RBPJ: variants seen among roughly 807,000 people sequenced by gnomAD.
RBPJ encodes the protein recombination signal binding protein for immunoglobulin kappa J region.
In RBPJ, 9 loss-of-function variants were observed where a neutral mutation model predicts 67.8. The observed-to-expected ratio is 0.13, with a 90% CI of 0.08 to 0.23. The LOEUF is 0.23. RBPJ is among the 10% of genes least tolerant of loss of function. RBPJ has a pLI of 1.00. For missense variants in RBPJ, 305 were observed against 595.6 expected (o/e 0.51, Z 5.08); for synonymous variants, 198 against 203.3 (o/e 0.97, Z 0.22).
chr4:26,350,527 C>A lies in RBPJ; in HGVS notation c.20+29479C>A, dbSNP rs532355181. The stretch of plus-strand genomic sequence containing the variant: ...CGTAGTTAAATTTAGTGAAGTTTTC[C>A]AAAGTACTGAATTGAAAATTATGAC... On this transcript the variant is annotated intron_variant, in intron 1 of 10. Transcript: ENST00000355476. 2.6e-5 allele frequency among the ~76,000 whole-genome samples: 4 copies of A among 152,198 alleles called. No individual in the cohort carries two copies. In the South Asian group the frequency reaches 8.3e-4, roughly 32 times the overall value.
chr4:26,134,974 G>A, the RBPJ span, among the ~76,000 whole-genome samples: 1 of 152,158 alleles, frequency 6.6e-6, no homozygotes, highest in Admixed American at 6.5e-5. Context: ...CAGGTCTTCG[G>A]TACCACAGTT....
At chr4:26,160,198 G>C (rs764744613), upstream of RBPJ, among the ~76,000 whole-genome samples, 1 of 152,242 alleles carries the variant, frequency 6.6e-6, no homozygotes, top group East Asian at 1.9e-4. Flanking sequence ...GATTACAGGC[G>C]TGAGCCACCG....
chr4:26,241,737 C>A (rs139359625), intron 1 of RBPJ, among the ~76,000 whole-genome samples: 182 of 152,152 alleles, frequency 1.2e-3, no homozygotes, highest in Non-Finnish European at 2.2e-3. Context: ...GTCTCAAACT[C>A]CTGGCCTGAA....
intron 8 of RBPJ, among the ~76,000 whole-genome samples, chr4:26,429,435 G>A (rs556010660): frequency 2.0e-5 from 3 of 152,300 alleles, no homozygotes; most frequent in African/African-American, 7.2e-5. Context: ...TGGTCTAGGT[G>A]TGTTAAGGTA....
At chr4:26,400,676 G>A (rs562655580) in intron 2 of RBPJ, among the ~76,000 whole-genome samples, 37 of 152,258 alleles carry the variant, frequency 2.4e-4, no homozygotes, top group African/African-American at 8.4e-4. Flanking sequence ...AAGCTATTTG[G>A]CAAATTACTT....
In RBPJ at chr4:26,210,018, A is replaced by G. The variant is rs114181488; in HGVS notation, c.-167+46404A>G. Among the ~76,000 whole-genome samples, 1,225 of 152,204 alleles carry G rather than the reference A, an allele frequency of 8.0e-3. 12 individuals are homozygous for G. Among genetic ancestry groups the G allele is most frequent in the African/African-American group, 0.028 (1,161 of 41,530 alleles). On this transcript the variant is annotated intron_variant, in intron 1 of 4. Transcript: ENST00000512351. Reference sequence around the variant, plus strand: ...AGACCAACAATCTTGCCACCCTAAAACCATATGAGGACCCACTGTAGAGTT... The same window carrying G: ...AGACCAACAATCTTGCCACCCTAAAGCCATATGAGGACCCACTGTAGAGTT...
chr4:26,391,360 A>G (rs1437546181), intron 2 of RBPJ, among the ~76,000 whole-genome samples: 2 of 152,228 alleles, frequency 1.3e-5, no homozygotes, highest in African/African-American at 4.8e-5. Context: ...GTTACTTTCC[A>G]GTCAAGGTGC....
intron 1 of RBPJ, among the ~76,000 whole-genome samples, chr4:26,252,613 A>G (rs760980987): frequency 2.0e-5 from 3 of 152,198 alleles, no homozygotes; most frequent in African/African-American, 7.2e-5. Context: ...GAAAAGCCAC[A>G]TTCTTTGAAA....
At chr4:26,253,350 C>G (rs1292665871) in intron 1 of RBPJ, among the ~76,000 whole-genome samples, 2 of 121,036 alleles carry the variant, frequency 1.7e-5, no homozygotes, top group Non-Finnish European at 3.1e-5. Flanking sequence ...CTCGCTCTGT[C>G]GCCCAGGCTG....
At chr4:26,193,610 T>A (rs903758472) in intron 1 of RBPJ, among the ~76,000 whole-genome samples, 1 of 152,316 alleles carries the variant, frequency 6.6e-6, no homozygotes, top group Non-Finnish European at 1.5e-5. Flanking sequence ...ATCGCTAGTA[T>A]AATAAATCAT....
chr4:26,391,144 T>C (rs1247687771), intron 2 of RBPJ, among the ~76,000 whole-genome samples: 2 of 152,112 alleles, frequency 1.3e-5, no homozygotes, highest in Non-Finnish European at 2.9e-5. Context: ...CTCAGCAGGC[T>C]TTTTTGTAAC....
At chr4:26,233,416 T>C (rs1050818074) in intron 1 of RBPJ, among the ~76,000 whole-genome samples, 6 of 152,252 alleles carry the variant, frequency 3.9e-5, no homozygotes, top group Non-Finnish European at 5.9e-5. Context: ...CCTTCTTCAC[T>C]TAGGGCTGAA....
chr4:26,391,067 A>G lies in RBPJ; in HGVS notation c.59+4676A>G, dbSNP rs960358186. Among the ~76,000 whole-genome samples the G allele has an allele frequency of 1.4e-4, 21 of 152,270 alleles. No homozygotes were observed. The Middle Eastern group carries it at 0.01, about 74-fold the overall frequency. ...GCGAGACCCTGTCTCAAATAAATAT[A>G]TATATGGTTAAAATGTCAGTTCTTC... On this transcript the variant is annotated intron_variant, in intron 2 of 10. Transcript: ENST00000355476.
chr4:26,243,487 T>C (rs574862938), intron 1 of RBPJ, among the ~76,000 whole-genome samples: 2 of 152,312 alleles, frequency 1.3e-5, no homozygotes, highest in African/African-American at 4.8e-5. Context: ...TGAGTGAGAA[T>C]AATTGTGATA....
chr4:26,263,780 C>T (rs1440025858), intron 1 of RBPJ, among the ~76,000 whole-genome samples: 1 of 151,928 alleles, frequency 6.6e-6, no homozygotes, highest in African/African-American at 2.4e-5. Flanking sequence ...CCATATTGGC[C>T]GGGCTGGTCT....
At chr4:26,217,948 G>A (rs1157103196) in intron 1 of RBPJ, among the ~76,000 whole-genome samples, 2 of 152,136 alleles carry the variant, frequency 1.3e-5, no homozygotes, top group Non-Finnish European at 2.9e-5. Context: ...GAAGCTCTGC[G>A]CTCAAAGGTT....
intron 1 of RBPJ, among the ~76,000 whole-genome samples, chr4:26,267,904 G>A (rs541037246): frequency 5.3e-5 from 8 of 151,754 alleles, no homozygotes; most frequent in East Asian, 1.9e-4. Context: ...CACGGCACCC[G>A]ACCCACAATT....
intron 1 of RBPJ, among the ~76,000 whole-genome samples, chr4:26,214,911 A>AG (rs1481657879): frequency 1.0e-4 from 14 of 137,482 alleles, no homozygotes; most frequent in African/African-American, 2.9e-4. Flanking sequence ...AAAGAAAGAA[A>AG]AAAGAGAAAA....
chr4:26,305,923 G>A (rs1249748453), intron 1 of RBPJ, among the ~76,000 whole-genome samples: 1 of 151,450 alleles, frequency 6.6e-6, no homozygotes, highest in Non-Finnish European at 1.5e-5. Flanking sequence ...GGGACTACAG[G>A]CGTGTGCCAC....
Sources: gnomAD v4.1 joint callset for allele counts (sites outside exome capture counted in the v4.1 genomes callset) on GRCh38, gnomAD v4.1.1 for gene constraint, MANE v1.5 for transcripts, NCBI Gene and HGNC (gene_info 2026-07-23, HGNC 2026-07-21) for gene names.